ABHD18: variants seen among roughly 807,000 people sequenced by gnomAD.
ABHD18 encodes cardiolipin-specific deacylase, mitochondrial.
A neutral mutation model predicts 65.9 loss-of-function variants in ABHD18; 55 were observed. The ratio of observed to expected loss-of-function variants is 0.84; its 90% CI spans 0.67 to 1.05. ABHD18 has a LOEUF of 1.05. Ranked by LOEUF, ABHD18 falls within the 50% of genes least tolerant of loss-of-function variation. The probability of loss-of-function intolerance (pLI) is 0.00; values close to 1 mark genes in which losing one functional copy is unlikely to be tolerated. For synonymous variants in ABHD18, 181 were observed against 180.2 expected, an observed-to-expected ratio of 1.00 and a Z score of -0.04; for missense variants, 533 against 558.5, an observed-to-expected ratio of 0.95 and a Z score of 0.46.
chr4:128,030,429 G>T (rs181432101), intron 11 of ABHD18, 81 bp from the exon 12 acceptor site: 308 of 970,006 alleles, frequency 3.2e-4, no homozygotes, highest in Non-Finnish European at 3.8e-4. Flanking sequence ...TTAGTTTGAC[G>T]AATGTTTTAT....
intron 4 of ABHD18, among the ~76,000 whole-genome samples, chr4:128,004,086 T>C (rs1753174033): frequency 6.6e-6 from 1 of 152,164 alleles, no homozygotes; most frequent in African/African-American, 2.4e-5. Context: ...TTTTATAACA[T>C]CTGTTTCCTT....
chr4:128,026,275 C>A (rs534131452), intron 10 of ABHD18, among the ~76,000 whole-genome samples: 1 of 150,126 alleles, frequency 6.7e-6, no homozygotes, highest in Non-Finnish European at 1.5e-5. Flanking sequence ...AGGACAAGAG[C>A]GAGACTTCTT....
intron 1 of ABHD18, among the ~76,000 whole-genome samples, chr4:127,969,790 G>A (rs867213560): frequency 6.0e-5 from 9 of 149,330 alleles, no homozygotes; most frequent in African/African-American, 2.0e-4. Context: ...CTCTGTTGCC[G>A]AGGCTGGAGT....
intron 4 of ABHD18, among the ~76,000 whole-genome samples, chr4:128,007,994 T>C (rs1396324037): frequency 6.6e-6 from 1 of 152,090 alleles, no homozygotes; most frequent in Non-Finnish European, 1.5e-5. Context: ...CTAGGCATGG[T>C]GGCTCACACC....
At chr4:128,012,670 C>G (rs1247443177) in intron 7 of ABHD18, among the ~76,000 whole-genome samples, 1 of 151,980 alleles carries the variant, frequency 6.6e-6, no homozygotes, top group Non-Finnish European at 1.5e-5. Flanking sequence ...AAGGAGCCAC[C>G]TGCATGAAGA....
intron 3 of ABHD18, among the ~76,000 whole-genome samples, chr4:127,985,938 C>A (rs1749865539): frequency 6.6e-6 from 1 of 152,094 alleles, no homozygotes; most frequent in South Asian, 2.1e-4. Context: ...TTGCTTGAAC[C>A]CAGGATGCGG....
At chr4:127,996,835 A>G (rs550169574) in intron 4 of ABHD18, among the ~76,000 whole-genome samples, 15 of 152,178 alleles carry the variant, frequency 9.9e-5, no homozygotes, top group Non-Finnish European at 1.9e-4. Flanking sequence ...GCTTTCTGCA[A>G]GAGGAGAAAT....
At chr4:128,002,342 C>A (rs1332813004) in intron 4 of ABHD18, among the ~76,000 whole-genome samples, 2 of 150,456 alleles carry the variant, frequency 1.3e-5, no homozygotes, top group Non-Finnish European at 3.0e-5. Context: ...AGTGTCCCTG[C>A]AATCTCAGCT....
intron 10 of ABHD18, among the ~76,000 whole-genome samples, chr4:128,024,786 G>A (rs1030654589): frequency 6.6e-6 from 1 of 151,840 alleles, no homozygotes; most frequent in Non-Finnish European, 1.5e-5. Flanking sequence ...TCCGCCTCCT[G>A]AGTTCAAGCG....
In ABHD18 at chr4:127,965,629, TA is replaced by T. The variant is rs1175134226; in HGVS notation, c.-18+24del. ...CCAGTAAGTAGCCGGTCCGGTTAAGTAGTAGGTGCGCTAAGAGCTCCCCGCG... is the reference window on the plus strand; with the variant it reads ...CCAGTAAGTAGCCGGTCCGGTTAAGTGTAGGTGCGCTAAGAGCTCCCCGCG... On this transcript the variant is annotated intron_variant, in intron 1 of 12. Transcript: ENST00000645843. The T allele has an allele frequency of 1.8e-5, 4 of 216,826 alleles. No homozygotes were observed. The East Asian group carries it at 4.9e-4, about 26-fold the overall frequency. The allele number at this position is 216,826 out of a possible 1,614,324, so 13.4% of individuals were successfully genotyped here. A position where few individuals can be genotyped will look rare whatever the true frequency, so the allele number is the denominator to read the frequency against.
intron 11 of ABHD18, among the ~76,000 whole-genome samples, chr4:128,030,214 T>C (rs1486643055): frequency 6.6e-6 from 1 of 152,186 alleles, no homozygotes; most frequent in Non-Finnish European, 1.5e-5. Context: ...CTGATGTGAT[T>C]ATTATGCATT....
At chr4:128,009,973 A>G (rs1309027373) in intron 6 of ABHD18, among the ~76,000 whole-genome samples, 1 of 152,198 alleles carries the variant, frequency 6.6e-6, no homozygotes, top group East Asian at 1.9e-4. Flanking sequence ...ATTTTATGCA[A>G]TTGGTTGTAT....
At chr4:128,008,463 C>T (rs907336592) in intron 4 of ABHD18, among the ~76,000 whole-genome samples, 1 of 151,318 alleles carries the variant, frequency 6.6e-6, no homozygotes, top group African/African-American at 2.4e-5. Flanking sequence ...TTAGTAGCGA[C>T]GGGGTTTCTC....
rs759840611 is a variant in ABHD18, at chr4:127,982,967, C to G, written c.12C>G (p.Ser4Arg). The part of the protein sequence containing the change: MGV[S>R]KLDILYRRLL... ...CTTGTTTGCTACTGATGGGTGTGAG[C>G]AAGTTAGATATTCTATACCGGAGAC... The change falls in exon 2 of 13, where the codon AGC (serine) becomes AGG (arginine). Residue 4 changes from serine (S) to arginine (R), a missense_variant. Physicochemically the swap from Ser to Arg is moderately radical, Grantham distance 110 (BLOSUM62 -1). Transcript: ENST00000645843. 1 of 1,560,894 alleles carries G rather than the reference C, an allele frequency of 6.4e-7. No homozygotes were observed. The highest frequency in any genetic ancestry group is 1.2e-5 in the South Asian group (1 of 83,970).
At chr4:127,998,324 C>A (rs1335450116) in intron 4 of ABHD18, among the ~76,000 whole-genome samples, 6 of 144,004 alleles carry the variant, frequency 4.2e-5, no homozygotes, top group Admixed American at 1.4e-4. Flanking sequence ...GCTCTGTCGC[C>A]GAGGCTGGAG....
chr4:127,995,378 A>G (rs1467829897), intron 4 of ABHD18, among the ~76,000 whole-genome samples: 1 of 152,200 alleles, frequency 6.6e-6, no homozygotes, highest in Non-Finnish European at 1.5e-5. Flanking sequence ...AAGAAATAAG[A>G]TATTACTTAA....
At chr4:127,985,459 C>G (rs961565484) in intron 3 of ABHD18, among the ~76,000 whole-genome samples, 3 of 152,016 alleles carry the variant, frequency 2.0e-5, no homozygotes, top group Non-Finnish European at 4.4e-5. Flanking sequence ...TTGAAAACTC[C>G]TCCTCTATAT....
intron 1 of ABHD18, among the ~76,000 whole-genome samples, chr4:127,969,433 A>G (rs1746308307): frequency 6.6e-6 from 1 of 152,024 alleles, no homozygotes; most frequent in Non-Finnish European, 1.5e-5. Flanking sequence ...TCCCAAACTC[A>G]GGTGATCCGC....
intron 12 of ABHD18, among the ~76,000 whole-genome samples, chr4:128,035,349 A>G (rs1579502712): frequency 1.3e-5 from 2 of 152,158 alleles, no homozygotes; most frequent in South Asian, 4.1e-4. Flanking sequence ...AGGCAGGCGG[A>G]TCACTTGAGG....
Sources: allele counts gnomAD v4.1 joint callset (sites outside exome capture counted in the v4.1 genomes callset), GRCh38; gene constraint gnomAD v4.1.1; transcripts MANE v1.5; gene names NCBI Gene and HGNC (gene_info 2026-07-23, HGNC 2026-07-21).